LARGE1: variants seen among roughly 807,000 people sequenced by gnomAD.
The protein encoded by LARGE1 is xylosyl- and glucuronyltransferase LARGE1.
Under a neutral mutation model 87.6 loss-of-function variants are expected in LARGE1, and 43 were observed. The ratio of observed to expected loss-of-function variants is 0.49; its 90% CI spans 0.38 to 0.63. The LOEUF is 0.63. LARGE1 is among the 30% of genes least tolerant of loss of function. The pLI is 0.00. For synonymous variants in LARGE1, 434 were observed against 394.6 expected, an observed-to-expected ratio of 1.10 and a Z score of -1.18; for missense variants, 802 against 1,000.2, an observed-to-expected ratio of 0.80 and a Z score of 2.67.
intron 10 of LARGE1, among the ~76,000 whole-genome samples, chr22:33,317,588 G>C (rs1199368925): frequency 6.6e-6 from 1 of 152,176 alleles, no homozygotes; most frequent in Non-Finnish European, 1.5e-5. Flanking sequence ...CTTGTGAAAA[G>C]AGCAGGCACA....
intron 10 of LARGE1, among the ~76,000 whole-genome samples, chr22:33,329,990 T>G (rs1017121363): frequency 6.7e-6 from 1 of 149,980 alleles, no homozygotes; most frequent in Admixed American, 6.6e-5. Flanking sequence ...TCCTTATGTT[T>G]CATTAAAAAA....
the LARGE1 span, among the ~76,000 whole-genome samples, chr22:33,077,445 G>A: frequency 3.9e-5 from 6 of 152,054 alleles, no homozygotes; most frequent in South Asian, 6.2e-4. Flanking sequence ...TAAATAAGAC[G>A]CCATTTTACT....
intron 1 of LARGE1, among the ~76,000 whole-genome samples, chr22:33,894,067 C>A (rs1300234216): frequency 6.6e-6 from 1 of 152,048 alleles, no homozygotes; most frequent in Non-Finnish European, 1.5e-5. Flanking sequence ...GTCAACTCCC[C>A]TCCCCATCTA....
chr22:33,166,528 C>G lies in LARGE1; in HGVS notation c.*235G>C, dbSNP rs1234321562. ...TCAATGTTACCACGGGGATGTTCAC[C>G]TGGCATGTACCACTTCAATCTTTCC... On this transcript the variant is annotated 3_prime_UTR_variant, in exon 12 of 12. Coordinates refer to the LARGE1 transcript ENST00000608642. 12 of 333,880 alleles carry G rather than the reference C, an allele frequency of 3.6e-5. No individual in the cohort carries two copies. The East Asian group carries it at 9.5e-4, about 27-fold the overall frequency. 20.7% of individuals were successfully genotyped at this position (333,880 alleles called of 1,614,324 possible).
chr22:33,210,187 C>T (rs761062814), intron 11 of LARGE1, among the ~76,000 whole-genome samples: 4 of 152,250 alleles, frequency 2.6e-5, no homozygotes, highest in Non-Finnish European at 5.9e-5. Context: ...AGCTCCTTCT[C>T]AACCTTGGTC....
At chr22:33,547,451 C>A (rs1340481882) in intron 6 of LARGE1, among the ~76,000 whole-genome samples, 1 of 152,126 alleles carries the variant, frequency 6.6e-6, no homozygotes, top group Non-Finnish European at 1.5e-5. Context: ...AGGACACAGA[C>A]CACACCGGTC....
At chr22:33,125,764 T>G in the LARGE1 span, among the ~76,000 whole-genome samples, 1 of 152,050 alleles carries the variant, frequency 6.6e-6, no homozygotes. Context: ...TTTAAATACA[T>G]TTTTATTTTA....
chr22:33,164,629 T>C (rs963422425), exon 12 of LARGE1: 6 of 152,142 alleles, frequency 3.9e-5, no homozygotes, highest in Admixed American at 2.0e-4. Context: ...GTGATTCTTC[T>C]GCCTCAGCCT....
At chr22:33,665,544 A>G (rs1220799017) in intron 2 of LARGE1, among the ~76,000 whole-genome samples, 2 of 152,208 alleles carry the variant, frequency 1.3e-5, no homozygotes, top group Non-Finnish European at 2.9e-5. Flanking sequence ...GTCATACATT[A>G]TCTTATATAG....
At chr22:33,242,224 C>T (rs996436822) in intron 11 of LARGE1, among the ~76,000 whole-genome samples, 1 of 152,012 alleles carries the variant, frequency 6.6e-6, no homozygotes, top group Non-Finnish European at 1.5e-5. Flanking sequence ...AGGTGGGAAC[C>T]CTGAATCACT....
At chr22:33,648,063 T>A (rs2080675150) in intron 3 of LARGE1, among the ~76,000 whole-genome samples, 2 of 152,170 alleles carry the variant, frequency 1.3e-5, no homozygotes, top group African/African-American at 4.8e-5. Context: ...GGCCCAGAAC[T>A]TGATTTTAAT....
At chr22:33,361,969 A>G (rs2064405163) in intron 9 of LARGE1, among the ~76,000 whole-genome samples, 2 of 149,410 alleles carry the variant, frequency 1.3e-5, no homozygotes, top group South Asian at 4.5e-4. Context: ...GTCATTACCA[A>G]CTGATTCTGG....
In LARGE1 at chr22:33,493,332, T is replaced by C. The variant is rs185763488; in HGVS notation, c.788-61067A>G. Reference sequence around the variant, plus strand: ...CGCGCCACTATGTCCAGCTAATTTTTGTATTTTTAGTAGAGACGGGGTTTC... The same window carrying C: ...CGCGCCACTATGTCCAGCTAATTTTCGTATTTTTAGTAGAGACGGGGTTTC... On this transcript the variant is annotated intron_variant, in intron 6 of 14. Transcript: ENST00000397394. Among the ~76,000 whole-genome samples the C allele has an allele frequency of 5.3e-3, 809 of 152,070 alleles. 6 individuals are homozygous for C. The highest frequency in any genetic ancestry group is 0.017 in the African/African-American group (722 of 41,476).
At chr22:33,703,468 G>T (rs147186851) in intron 2 of LARGE1, among the ~76,000 whole-genome samples, 1 of 152,082 alleles carries the variant, frequency 6.6e-6, no homozygotes, top group Non-Finnish European at 1.5e-5. Context: ...TGAGTATCAC[G>T]TTACATAACA....
the LARGE1 span, among the ~76,000 whole-genome samples, chr22:33,148,624 T>A: frequency 2.2e-4 from 34 of 152,332 alleles, no homozygotes; most frequent in East Asian, 6.4e-3. Context: ...AATGTATATA[T>A]ACAGTATAAA....
downstream of LARGE1, among the ~76,000 whole-genome samples, chr22:33,269,860 G>C (rs79431499): frequency 4.0e-5 from 6 of 151,790 alleles, no homozygotes; most frequent in South Asian, 2.1e-4. Flanking sequence ...AAAAAATTAG[G>C]TGGGCGTGGT....
intron 6 of LARGE1, among the ~76,000 whole-genome samples, chr22:33,442,013 C>T (rs142500812): frequency 5.3e-5 from 8 of 152,326 alleles, no homozygotes; most frequent in Admixed American, 5.2e-4. Context: ...TCCACCCTTA[C>T]TGAACTATGG....
intron 1 of LARGE1, among the ~76,000 whole-genome samples, chr22:33,762,311 A>C (rs1209341684): frequency 6.6e-6 from 1 of 151,180 alleles, no homozygotes; most frequent in East Asian, 1.9e-4. Flanking sequence ...ATCTATAACA[A>C]CCCCAAGCTG....
chr22:33,258,791 TCTGG>T (rs1927454914), intron 11 of LARGE1, among the ~76,000 whole-genome samples: 2 of 152,108 alleles, frequency 1.3e-5, no homozygotes, highest in Non-Finnish European at 2.9e-5. Flanking sequence ...TCTCTTGGGG[TCTGG>T]ATCGGGACCC....
Sources: allele counts gnomAD v4.1 joint callset (sites outside exome capture counted in the v4.1 genomes callset), GRCh38; gene constraint gnomAD v4.1.1; transcripts MANE v1.5; gene names NCBI Gene and HGNC (gene_info 2026-07-23, HGNC 2026-07-21).